The following TNPO1 variants were observed in gnomAD, a reference collection of about 807,000 sequenced individuals.
The protein encoded by TNPO1 is transportin 1.
Under a neutral mutation model 119.5 loss-of-function variants are expected in TNPO1, and 8 were observed. The observed-to-expected ratio is 0.07, with a 90% CI of 0.04 to 0.12. The LOEUF is 0.12. Ranked by LOEUF, TNPO1 falls within the 10% of genes least tolerant of loss-of-function variation. The pLI, the probability that TNPO1 is intolerant of heterozygous loss-of-function variation, is 1.00. For synonymous variants in TNPO1, 362 were observed against 363.0 expected (o/e 1.00, Z 0.03); for missense variants, 576 against 1,089.8 (o/e 0.53, Z 6.64).
At chr5:72,856,663 C>T (rs935028188) in intron 4 of TNPO1, among the ~76,000 whole-genome samples, 1 of 152,170 alleles carries the variant, frequency 6.6e-6, no homozygotes, top group African/African-American at 2.4e-5. Flanking sequence ...TATTTTCTCC[C>T]TTGTTTTTAA....
chr5:72,856,125 G>A (rs1032970494), intron 4 of TNPO1, among the ~76,000 whole-genome samples: 1 of 152,240 alleles, frequency 6.6e-6, no homozygotes, highest in African/African-American at 2.4e-5. Context: ...CTGGATAAGA[G>A]GAGAGCCTGA....
chr5:72,889,453 A>G (rs929102792), intron 13 of TNPO1, among the ~76,000 whole-genome samples: 6 of 152,300 alleles, frequency 3.9e-5, no homozygotes, highest in Admixed American at 6.5e-5. Context: ...TTGAGATCCT[A>G]TAATTTATTC....
rs1367046507 is a variant in TNPO1 at position 72,895,353 on chromosome 5, CCTT to C, written c.2144-1104_2144-1102del. 1.7e-4 allele frequency among the ~76,000 whole-genome samples: 8 copies of C among 48,270 alleles called. No homozygotes were observed. In the East Asian group the frequency reaches 2.0e-3, roughly 12 times the overall value. 31.7% of individuals were successfully genotyped at this position (48,270 alleles called of 152,430 possible). A position where few individuals can be genotyped will look rare whatever the true frequency, so the allele number is the denominator to read the frequency against. ...GTGTACATAGTGTCTAGTTGTCCCT[CCTT>C]TTTTTTTTTTTAATGTTACCAATCT... On this transcript the variant is annotated intron_variant, in intron 18 of 24. Transcript: ENST00000337273.
chr5:72,852,227 T>C (rs1034372811), intron 3 of TNPO1, among the ~76,000 whole-genome samples: 6 of 152,244 alleles, frequency 3.9e-5, no homozygotes, highest in African/African-American at 1.4e-4. Flanking sequence ...TATGACAGTT[T>C]AAAGCCTGAG....
intron 18 of TNPO1, among the ~76,000 whole-genome samples, chr5:72,895,444 C>T (rs376918993): frequency 6.6e-6 from 1 of 151,668 alleles, no homozygotes; most frequent in Non-Finnish European, 1.5e-5. Context: ...GGAACATTTG[C>T]CAGTGTCTGG....
In TNPO1 at chr5:72,909,736, A is replaced by G. The variant is rs1301323364; in HGVS notation, c.*1063A>G. The G allele has an allele frequency of 3.3e-5, 5 of 152,622 alleles. No homozygotes were observed. Among genetic ancestry groups the G allele is most frequent in the Admixed American group, 6.5e-5 (1 of 15,276 alleles). The allele number at this position is 152,622 out of a possible 1,614,324, so 9.5% of individuals were successfully genotyped here. ...TGTGGATTTTATTTTTATTAAGAACATAGATATATAAAGTACTGTAGTTTA... is the reference window on the plus strand; with the variant it reads ...TGTGGATTTTATTTTTATTAAGAACGTAGATATATAAAGTACTGTAGTTTA... On this transcript the variant is annotated 3_prime_UTR_variant, in exon 25 of 25. Transcript: ENST00000337273.
rs752550987 is a variant in TNPO1, at chr5:72,905,323, T to C, written c.2610T>C (p.Asn870=). The C allele has an allele frequency of 6.2e-7, 1 of 1,610,786 alleles. No individual in the cohort carries two copies. The highest frequency in any genetic ancestry group is 8.5e-7 in the Non-Finnish European group (1 of 1,179,410). The change falls in exon 24 of 25, where the codon AAT becomes AAC. Residue 870 remains asparagine (N), a synonymous_variant. Transcript: ENST00000337273. ...MFCKILHGFK[N]QVGDENWRRF... ...TACAGATCCTTCATGGATTTAAAAA[T>C]CAAGTTGGCGATGAAAATTGGAGGC...
chr5:72,842,132 T>C (rs970139704), intron 1 of TNPO1, among the ~76,000 whole-genome samples: 8 of 152,168 alleles, frequency 5.3e-5, no homozygotes, highest in Non-Finnish European at 7.3e-5. Context: ...ATACTACTGG[T>C]TTTTTAGATC....
intron 20 of TNPO1, 29 bp downstream of exon 20, chr5:72,897,180 A>G (rs1313893909): frequency 6.6e-7 from 1 of 1,520,556 alleles, no homozygotes; most frequent in Non-Finnish European, 8.9e-7. Flanking sequence ...GTTTCAGTGA[A>G]GAGAAAATTT....
chr5:72,868,821 A>T (rs1381394565), intron 6 of TNPO1, among the ~76,000 whole-genome samples: 1 of 152,132 alleles, frequency 6.6e-6, no homozygotes, highest in East Asian at 1.9e-4. Flanking sequence ...AGCCTGGCCA[A>T]CATGGTGAAA....
At chr5:72,845,176 T>C (rs1745077755) in intron 1 of TNPO1, among the ~76,000 whole-genome samples, 1 of 151,874 alleles carries the variant, frequency 6.6e-6, no homozygotes, top group African/African-American at 2.4e-5. Context: ...GGAGCGAAAT[T>C]TGAAGTACTA....
rs1430335126 is a variant in TNPO1, at chr5:72,903,645, T to C, written c.2515-64T>C. 3.7e-6 allele frequency: 4 copies of C among 1,075,570 alleles called. No homozygotes were observed. The African/African-American group carries it at 6.3e-5, about 17-fold the overall frequency. The allele number at this position is 1,075,570 out of a possible 1,614,324, so 66.6% of individuals were successfully genotyped here. ...TGTGACATAAACTCTGAGGTTTACA[T>C]ATATCTTTTGCTGAGTTTGACAAAT... On this transcript the variant is annotated intron_variant, in intron 22 of 24. Transcript: ENST00000337273.
intron 1 of TNPO1, among the ~76,000 whole-genome samples, chr5:72,847,632 A>C (rs1745191283): frequency 6.6e-6 from 1 of 152,158 alleles, no homozygotes; most frequent in Non-Finnish European, 1.5e-5. Context: ...CAAAGTCCTT[A>C]CTTTTGGAAT....
chr5:72,876,065 C>G (rs1217368745), intron 8 of TNPO1, among the ~76,000 whole-genome samples: 1 of 152,162 alleles, frequency 6.6e-6, no homozygotes, highest in African/African-American at 2.4e-5. Context: ...AACTCCTGTT[C>G]TAAAACTTTA....
intron 19 of TNPO1, 35 bp downstream of exon 19, chr5:72,896,591 C>T (rs1473346704): frequency 1.3e-6 from 2 of 1,559,256 alleles, no homozygotes; most frequent in African/African-American, 2.7e-5. Flanking sequence ...AGCATAAGGC[C>T]TGGCGCGGTG....
chr5:72,900,212 C>A, intron 21 of TNPO1, 131 bp downstream of exon 21: 1 of 733,208 alleles, frequency 1.4e-6, no homozygotes, highest in Non-Finnish European at 2.2e-6. Flanking sequence ...TGTGACTAAT[C>A]TTGTCCTATC....
At chr5:72,877,674 G>GT (rs1438559910) in intron 9 of TNPO1, among the ~76,000 whole-genome samples, 3 of 150,910 alleles carry the variant, frequency 2.0e-5, no homozygotes, top group South Asian at 2.1e-4. Context: ...GTGAAGTTTT[G>GT]TTTTTTTTCC....
intron 4 of TNPO1, among the ~76,000 whole-genome samples, chr5:72,859,189 T>A (rs921624465): frequency 2.6e-5 from 4 of 152,220 alleles, no homozygotes; most frequent in African/African-American, 9.6e-5. Context: ...TGTAGGACTC[T>A]GTTCCTCTAG....
At chr5:72,904,327 G>T (rs1263804364) in intron 23 of TNPO1, among the ~76,000 whole-genome samples, 1 of 152,194 alleles carries the variant, frequency 6.6e-6, no homozygotes, top group East Asian at 1.9e-4. Flanking sequence ...TGTATTGCTT[G>T]GATGACTTCT....
Sources: allele counts gnomAD v4.1 joint callset (sites outside exome capture counted in the v4.1 genomes callset), GRCh38; gene constraint gnomAD v4.1.1; transcripts MANE v1.5; gene names NCBI Gene and HGNC (gene_info 2026-07-23, HGNC 2026-07-21).